ARHGAP42: variants seen among roughly 807,000 people sequenced by gnomAD.
ARHGAP42 encodes the protein Rho GTPase activating protein 42, also known as rho GTPase-activating protein 42.
In ARHGAP42, 63 loss-of-function variants were observed where a neutral mutation model predicts 125.0. The observed-to-expected ratio is 0.50, with a 90% CI of 0.41 to 0.62. The LOEUF (loss-of-function observed/expected upper bound fraction) is 0.62. ARHGAP42 is among the 20% of genes least tolerant of loss of function. ARHGAP42 has a pLI of 0.00. For missense variants in ARHGAP42, 766 were observed against 1,024.2 expected (o/e 0.75, Z 3.44); for synonymous variants, 339 against 351.0 (o/e 0.97, Z 0.38).
At chr11:100,797,491 A>C (rs545167438) in intron 3 of ARHGAP42, among the ~76,000 whole-genome samples, 1 of 152,250 alleles carries the variant, frequency 6.6e-6, no homozygotes, top group African/African-American at 2.4e-5. Context: ...ATTATGCTAA[A>C]TCTACCCTGT....
rs531069741 is a variant in ARHGAP42, at chr11:100,843,331, A to T, written c.313-16223A>T. On this transcript the variant is annotated intron_variant, in intron 3 of 23. Coordinates refer to ENST00000298815, the MANE Select transcript of ARHGAP42 (RefSeq NM_152432.4). ...AGGTTGAAATGGTAATAAAAAAATT[A>T]CCAACAAAAAAAAAGTCCAGGAACA... Among the ~76,000 whole-genome samples the T allele has an allele frequency of 5.3e-5, 8 of 152,122 alleles. No homozygotes were observed. The South Asian group carries it at 1.7e-3, about 32-fold the overall frequency.
chr11:100,911,041 T>C (rs187391547), intron 4 of ARHGAP42, among the ~76,000 whole-genome samples: 389 of 152,294 alleles, frequency 2.6e-3, no homozygotes, highest in Non-Finnish European at 4.0e-3. Flanking sequence ...TGCACTCTCC[T>C]CCTGAAACCA....
chr11:100,718,249 G>A (rs1424620524), intron 1 of ARHGAP42, among the ~76,000 whole-genome samples: 1 of 152,142 alleles, frequency 6.6e-6, no homozygotes, highest in African/African-American at 2.4e-5. Flanking sequence ...GTCTTATGAG[G>A]CCCTTCAAGG....
chr11:100,909,618 G>A (rs1359051998), intron 4 of ARHGAP42, among the ~76,000 whole-genome samples: 2 of 152,106 alleles, frequency 1.3e-5, no homozygotes, highest in Non-Finnish European at 2.9e-5. Context: ...ACAGGCATGA[G>A]CCACCGGCAT....
chr11:100,756,071 A>T (rs1023259144), intron 1 of ARHGAP42, among the ~76,000 whole-genome samples: 3 of 152,046 alleles, frequency 2.0e-5, no homozygotes, highest in Non-Finnish European at 4.4e-5. Context: ...GCATTTCTAA[A>T]ATTGGATAGA....
At chr11:100,886,101 G>A in intron 4 of ARHGAP42, among the ~76,000 whole-genome samples, 1 of 152,276 alleles carries the variant, frequency 6.6e-6, no homozygotes, top group Non-Finnish European at 1.5e-5. Context: ...AGGACTTTAT[G>A]ATTGGATAAC....
intron 4 of ARHGAP42, among the ~76,000 whole-genome samples, chr11:100,879,702 T>C (rs1865910899): frequency 6.6e-6 from 1 of 152,204 alleles, no homozygotes; most frequent in East Asian, 1.9e-4. Context: ...TACCCTGTTC[T>C]TACCTTTCTT....
chr11:100,950,707 A>G (rs907459850), intron 12 of ARHGAP42, among the ~76,000 whole-genome samples: 1 of 152,048 alleles, frequency 6.6e-6, no homozygotes, highest in Non-Finnish European at 1.5e-5. Flanking sequence ...AGTGCTTTAC[A>G]TAGTCATTTT....
intron 4 of ARHGAP42, among the ~76,000 whole-genome samples, chr11:100,866,222 G>T (rs1051092196): frequency 6.6e-6 from 1 of 152,126 alleles, no homozygotes; most frequent in Admixed American, 6.5e-5. Context: ...ATTCAGTCTT[G>T]TCTTCAGGCT....
chr11:100,720,463 G>A (rs969025624), intron 1 of ARHGAP42, among the ~76,000 whole-genome samples: 1 of 152,002 alleles, frequency 6.6e-6, no homozygotes. Context: ...TTTCAGTACT[G>A]TTTATACAAT....
At chr11:100,701,127 A>T (rs890860177) in intron 1 of ARHGAP42, among the ~76,000 whole-genome samples, 11 of 152,112 alleles carry the variant, frequency 7.2e-5, no homozygotes, top group African/African-American at 2.7e-4. Flanking sequence ...AATGAGCAGT[A>T]ATATTGTAAA....
At chr11:100,863,941 G>A (rs1302551689) in intron 4 of ARHGAP42, among the ~76,000 whole-genome samples, 2 of 152,126 alleles carry the variant, frequency 1.3e-5, no homozygotes, top group African/African-American at 4.8e-5. Context: ...TTAGCATTAT[G>A]CAAAAGTAAT....
At chr11:100,779,557 C>CATGCGTATAT (rs1417204361) in intron 2 of ARHGAP42, among the ~76,000 whole-genome samples, 1 of 137,812 alleles carries the variant, frequency 7.3e-6, no homozygotes. Flanking sequence ...TATACATATA[C>CATGCGTATAT]ATACGTATAT....
chr11:100,891,810 A>T (rs965505164), intron 4 of ARHGAP42, among the ~76,000 whole-genome samples: 2 of 152,142 alleles, frequency 1.3e-5, no homozygotes, highest in African/African-American at 4.8e-5. Context: ...GTAAATGCCG[A>T]GTTAGAGGTA....
At chr11:100,903,366 C>G (rs1866615210) in intron 4 of ARHGAP42, among the ~76,000 whole-genome samples, 1 of 151,938 alleles carries the variant, frequency 6.6e-6, no homozygotes, top group South Asian at 2.1e-4. Context: ...AGTATTTTAT[C>G]AGTTCATATT....
chr11:100,953,542 G>A (rs1857720169), intron 12 of ARHGAP42, among the ~76,000 whole-genome samples: 1 of 152,154 alleles, frequency 6.6e-6, no homozygotes, highest in African/African-American at 2.4e-5. Flanking sequence ...AATTTACAGA[G>A]AACAAATGCC....
intron 4 of ARHGAP42, chr11:100,859,988 C>T (rs1865408434): frequency 6.3e-6 from 1 of 159,684 alleles, no homozygotes; most frequent in African/African-American, 2.4e-5. Flanking sequence ...TTTTAATATT[C>T]TTTGTATTTT....
chr11:100,767,107 G>C (rs1390692939), intron 1 of ARHGAP42, among the ~76,000 whole-genome samples: 3 of 152,172 alleles, frequency 2.0e-5, no homozygotes, highest in Non-Finnish European at 4.4e-5. Context: ...GGTTATGTAA[G>C]CTCCAAGAGT....
In ARHGAP42 at chr11:100,687,606, G is replaced by C. The variant is rs1861106479; in HGVS notation, c.-73G>C. 1.7e-6 allele frequency: 2 copies of C among 1,170,214 alleles called. No individual in the cohort carries two copies. The highest frequency in any genetic ancestry group is 1.6e-5 in the African/African-American group (1 of 61,978). 72.5% of individuals were successfully genotyped at this position (1,170,214 alleles called of 1,614,324 possible). A position where few individuals can be genotyped will look rare whatever the true frequency, so the allele number is the denominator to read the frequency against. On this transcript the variant is annotated 5_prime_UTR_variant, in exon 1 of 24. Transcript: ENST00000298815. ...CGATCGCGCGACCCCAGCGCCCGCC[G>C]CGGCCGCCGGCTGCCCCCGCCCTGA...
Sources: allele counts gnomAD v4.1 joint callset (sites outside exome capture counted in the v4.1 genomes callset), GRCh38; gene constraint gnomAD v4.1.1; transcripts MANE v1.5; gene names NCBI Gene and HGNC (gene_info 2026-07-23, HGNC 2026-07-21).